MYH6: variants seen among roughly 807,000 people sequenced by gnomAD.
MYH6 encodes myosin-6.
Under a neutral mutation model 223.2 loss-of-function variants are expected in MYH6, and 126 were observed. That is an observed-to-expected ratio of 0.56 (90% CI 0.49 to 0.65). MYH6 has a LOEUF of 0.65. MYH6 is among the 30% of genes least tolerant of loss of function. MYH6 has a pLI of 0.00. For missense variants in MYH6, 2,040 were observed against 2,536.4 expected (o/e 0.80, Z 4.20); for synonymous variants, 978 against 1,010.2 (o/e 0.97, Z 0.61).
intron 36 of MYH6, 57 bp downstream of exon 36, chr14:23,384,385 A>G: frequency 1.9e-6 from 3 of 1,602,072 alleles, no homozygotes; most frequent in Non-Finnish European, 2.5e-6. Context: ...AGGGCGGGGC[A>G]GTGGGGCCAG....
chr14:23,391,342 G>A (rs966567202), intron 25 of MYH6, among the ~76,000 whole-genome samples: 1 of 152,214 alleles, frequency 6.6e-6, no homozygotes, highest in Non-Finnish European at 1.5e-5. Flanking sequence ...GGGGATGAAG[G>A]AGGAGCCATA....
chr14:23,399,908 A>G (rs1030140783), intron 14 of MYH6: 4 of 367,114 alleles, frequency 1.1e-5, no homozygotes, highest in African/African-American at 8.4e-5. Context: ...TTCTCAACCA[A>G]CAGGAAGGTG....
Position 23,387,932 on chromosome 14 carries a change from G to A in MYH6, c.4360-9C>T, listed in dbSNP as rs1278744706. On this transcript the variant is annotated splice_polypyrimidine_tract_variant and intron_variant, in intron 30 of 38. Coordinates refer to ENST00000405093, the MANE Select transcript of MYH6 (RefSeq NM_002471.4). Reference sequence around the variant, plus strand: ...TTCCACTCGGCCAGGATCTGCCCGGGGACAAGGCTCACTCTTCAGCCCCCC... The same window carrying A: ...TTCCACTCGGCCAGGATCTGCCCGGAGACAAGGCTCACTCTTCAGCCCCCC... The A allele has an allele frequency of 3.1e-6, 5 of 1,612,986 alleles. No homozygotes were observed. Among genetic ancestry groups the A allele is most frequent in the African/African-American group, 2.7e-5 (2 of 74,824 alleles).
At chr14:23,403,498 C>T in intron 9 of MYH6, 52 bp from the exon 10 acceptor site, 1 of 1,536,408 alleles carries the variant, frequency 6.5e-7, no homozygotes, top group Non-Finnish European at 9.0e-7. Flanking sequence ...GAGAGTAGAG[C>T]CAGAAAAAGG....
chr14:23,399,476 T>C (rs1044253026), intron 14 of MYH6, among the ~76,000 whole-genome samples: 1 of 152,168 alleles, frequency 6.6e-6, no homozygotes, highest in Admixed American at 6.5e-5. Context: ...AACCTGGTGG[T>C]TCTTGATTTT....
chr14:23,400,754 C>T lies in MYH6; in HGVS notation c.1365G>A (p.Gln455=). The change falls in exon 13 of 39, where the codon CAG becomes CAA. Residue 455 remains glutamine, a synonymous_variant. Coordinates refer to ENST00000405093, the MANE Select transcript of MYH6 (RefSeq NM_002471.4). Reference sequence around the variant, plus strand: ...CGATGTCCAGGACTCCTATGAAGTACTGGCGTGGCTGCTTGGTCTCCAGGG... The same window carrying T: ...CGATGTCCAGGACTCCTATGAAGTATTGGCGTGGCTGCTTGGTCTCCAGGG... ...NATLETKQPR[Q]YFIGVLDIAG... 1.2e-6 allele frequency: 2 copies of T among 1,614,262 alleles called. No homozygotes were observed. Among genetic ancestry groups the T allele is most frequent in the Non-Finnish European group, 1.7e-6 (2 of 1,180,050 alleles).
In MYH6 at chr14:23,389,967, T is replaced by TGACAAGGGA; in HGVS notation, c.3732+81_3732+89dup. 7 of 1,610,454 alleles carry TGACAAGGGA rather than the reference T, an allele frequency of 4.3e-6. No individual in the cohort carries two copies. In the South Asian group the frequency reaches 7.7e-5, roughly 18 times the overall value. On this transcript the variant is annotated intron_variant, in intron 26 of 38. Coordinates refer to ENST00000405093, the MANE Select transcript of MYH6 (RefSeq NM_002471.4). ...CAAAGGGTGATGAAGAGAATGAGAATGACAAGGGAGATGGCAGACAGAGAG... is the reference window on the plus strand; with the variant it reads ...CAAAGGGTGATGAAGAGAATGAGAATGACAAGGGAGACAAGGGAGATGGCAGACAGAGAG...
rs138928022 is a variant in MYH6 at position 23,402,522 on chromosome 14, C to A, written c.1083G>T (p.Gly361=). ...YKLTGAIMHY[G]NMKFKQKQRE... ...GCTGCTTCTGCTTGAACTTCATGTT[C>A]CCGTAGTGCATGATGGCTCCCGTCA... The change falls in exon 12 of 39, where the codon GGG becomes GGT. Residue 361 remains glycine, a synonymous_variant. Coordinates refer to ENST00000405093, the MANE Select transcript of MYH6 (RefSeq NM_002471.4). 222 of 1,613,838 alleles carry A rather than the reference C, an allele frequency of 1.4e-4. No homozygotes were observed. The African/African-American group carries it at 2.8e-3, about 20-fold the overall frequency.
In MYH6 at chr14:23,405,166, G is replaced by A. The variant is rs367849587; in HGVS notation, c.503-39C>T. On this transcript the variant is annotated intron_variant, in intron 5 of 38. Coordinates refer to ENST00000405093, the MANE Select transcript of MYH6 (RefSeq NM_002471.4). The surrounding 1 kb of genome is among the most constrained non-coding windows in gnomAD (Gnocchi z 4.7). ...GAGGAGAAGCAATGGGGTCAGGGCTGAGGATCTGGGTGGGTGTCTGGGAGG... is the reference window on the plus strand; with the variant it reads ...GAGGAGAAGCAATGGGGTCAGGGCTAAGGATCTGGGTGGGTGTCTGGGAGG... 842 of 1,613,926 alleles carry A rather than the reference G, an allele frequency of 5.2e-4. 1 individual carries two copies. Among genetic ancestry groups the A allele is most frequent in the Non-Finnish European group, 6.5e-4 (769 of 1,180,054 alleles).
chr14:23,389,127 G>A (rs1389654902), intron 28 of MYH6, 72 bp from the exon 29 acceptor site: 2 of 1,494,100 alleles, frequency 1.3e-6, no homozygotes, highest in Non-Finnish European at 1.8e-6. Flanking sequence ...CTCTTCTTAT[G>A]TAGTACTTCA....
rs543914631 is a variant in MYH6, at chr14:23,398,637, G to T, written c.1891+91C>A. ...TTGACTCATGGGCTCCCCTGTGCCT[G>T]CCTATGGAGTCATGTGCTTTGAAGC... On this transcript the variant is annotated intron_variant, in intron 15 of 38. Coordinates refer to ENST00000405093, the MANE Select transcript of MYH6 (RefSeq NM_002471.4). The T allele has an allele frequency of 1.1e-4, 163 of 1,470,844 alleles. 1 individual carries two copies. In the South Asian group the frequency reaches 1.7e-3, roughly 16 times the overall value. 91.1% of individuals were successfully genotyped at this position (1,470,844 alleles called of 1,614,324 possible). A position where few individuals can be genotyped will look rare whatever the true frequency, so the allele number is the denominator to read the frequency against.
At chr14:23,393,288 G>T (rs780393328) in intron 23 of MYH6, 54 bp downstream of exon 23, 4 of 1,607,682 alleles carry the variant, frequency 2.5e-6, no homozygotes, top group Admixed American at 3.3e-5. Flanking sequence ...TGGGCCATTG[G>T]TGTTGCCTGC....
rs770253223 is a variant in MYH6, at chr14:23,407,218, G to A, written c.6C>T (p.Thr2=). 1.8e-5 allele frequency: 29 copies of A among 1,614,068 alleles called. No homozygotes were observed. Among genetic ancestry groups the A allele is most frequent in the South Asian group, 5.5e-5 (5 of 91,084 alleles). M[T]DAQMADFGAA... ...CCCCAAAGTCAGCCATCTGGGCATC[G>A]GTCATCTTGGTGCTTCCCCTGGGTC... is the stretch of plus-strand genomic sequence containing the variant. Residue 2 remains threonine (T), a synonymous_variant, in exon 3 of 39, where the codon ACC becomes ACT. Coordinates refer to ENST00000405093, the MANE Select transcript of MYH6 (RefSeq NM_002471.4). The surrounding 1 kb of genome is among the most constrained non-coding windows in gnomAD (Gnocchi z 5.6).
At position 23,388,844 on chromosome 14, in the gene MYH6, G is replaced by C. The variant is rs769831822; in HGVS notation, c.4175+15C>G. ...CCTCTCTGAGAGTCAGGTTAAGGGG[G>C]TATCTGGAGCTCACTTGGCCTCTTC... On this transcript the variant is annotated intron_variant, in intron 29 of 38. Coordinates refer to ENST00000405093, the MANE Select transcript of MYH6 (RefSeq NM_002471.4). 1.2e-6 allele frequency: 2 copies of C among 1,613,856 alleles called. No homozygotes were observed. The highest frequency in any genetic ancestry group is 1.7e-6 in the Non-Finnish European group (2 of 1,180,036).
rs1036008032 is a variant in MYH6 at position 23,399,047 on chromosome 14, G to C, written c.1582-10C>G. The C allele has an allele frequency of 6.2e-6, 10 of 1,613,834 alleles. No homozygotes were observed. Among genetic ancestry groups the C allele is most frequent in the Non-Finnish European group, 6.8e-6 (8 of 1,179,890 alleles). On this transcript the variant is annotated splice_polypyrimidine_tract_variant and intron_variant, in intron 14 of 38. Transcript: ENST00000405093. ...ACATGATGCCCATGGGCTGAGGGCA[G>C]GGTGAAGAGGCAAAGAGAGAATCAC... is the stretch of plus-strand genomic sequence containing the variant.
rs1595060520 is a variant in MYH6 at position 23,398,861 on chromosome 14, A to G, written c.1758T>C (p.Thr586=). ...AHFSLIHYAG[T]VDYNILGWLE... is the part of the protein sequence containing the mutation. Reference sequence around the variant, plus strand: ...GCCAGCCCAGGATGTTGTAGTCCACAGTGCCGGCGTAGTGGATCAGGGAGA... The same window carrying G: ...GCCAGCCCAGGATGTTGTAGTCCACGGTGCCGGCGTAGTGGATCAGGGAGA... Residue 586 remains threonine (T), a synonymous_variant, in exon 15 of 39, where the codon ACT becomes ACC. Coordinates refer to ENST00000405093, the MANE Select transcript of MYH6 (RefSeq NM_002471.4). The G allele has an allele frequency of 1.9e-6, 3 of 1,614,182 alleles. No homozygotes were observed. The highest frequency in any genetic ancestry group is 2.5e-6 in the Non-Finnish European group (3 of 1,180,040).
At chr14:23,384,801 G>T in intron 35 of MYH6, 84 bp from the exon 36 acceptor site, 1 of 1,613,418 alleles carries the variant, frequency 6.2e-7, no homozygotes, top group Admixed American at 1.7e-5. Context: ...CTCCCATCAG[G>T]CCCTCAAATC....
intron 15 of MYH6, among the ~76,000 whole-genome samples, chr14:23,398,003 C>G (rs1321791081): frequency 7.3e-6 from 1 of 137,770 alleles, no homozygotes; most frequent in Non-Finnish European, 1.5e-5. Flanking sequence ...TCTTCTTCTT[C>G]TTCTTCTTCT....
At chr14:23,404,409 C>T (rs759493324) in intron 7 of MYH6, 21 bp from the exon 8 acceptor site, 1 of 1,613,138 alleles carries the variant, frequency 6.2e-7, no homozygotes. Context: ...AGCAGAACTG[C>T]ATGGGTTCAT....
Sources: allele counts gnomAD v4.1 joint callset (sites outside exome capture counted in the v4.1 genomes callset), GRCh38; gene constraint gnomAD v4.1.1; non-coding constraint Gnocchi (gnomAD v3.1); transcripts MANE v1.5; gene names NCBI Gene and HGNC (gene_info 2026-07-23, HGNC 2026-07-21).